The following SEPTIN9 variants were observed in gnomAD, a reference collection of about 807,000 sequenced individuals.
SEPTIN9 encodes the protein septin-9.
In SEPTIN9, 13 loss-of-function variants were observed where a neutral mutation model predicts 56.6. The ratio of observed to expected loss-of-function variants is 0.23; its 90% CI spans 0.15 to 0.37. The LOEUF is 0.37. SEPTIN9 is among the 10% of genes least tolerant of loss of function. The pLI is 1.00. For synonymous variants in SEPTIN9, 332 were observed against 334.1 expected, an observed-to-expected ratio of 0.99 and a Z score of 0.07; for missense variants, 650 against 823.1, an observed-to-expected ratio of 0.79 and a Z score of 2.57.
At chr17:77,363,379 C>CTTTTTTTTTTTT (rs34313886) in intron 2 of SEPTIN9, among the ~76,000 whole-genome samples, 3 of 66,614 alleles carry the variant, frequency 4.5e-5, no homozygotes, top group African/African-American at 1.2e-4. Context: ...TTGGGCCTGT[C>CTTTTTTTTTTTT]TTTTTTTTTT....
chr17:77,383,568 C>G (rs1355670027), intron 2 of SEPTIN9, among the ~76,000 whole-genome samples: 2 of 152,196 alleles, frequency 1.3e-5, no homozygotes, highest in African/African-American at 4.8e-5. Flanking sequence ...GGCTGAGGGT[C>G]CCGACCCTGG....
At chr17:77,378,624 G>A (rs2035020950) in intron 2 of SEPTIN9, among the ~76,000 whole-genome samples, 1 of 152,194 alleles carries the variant, frequency 6.6e-6, no homozygotes, top group South Asian at 2.1e-4. Flanking sequence ...AATGAGGCCG[G>A]ACAGCATGGT....
intron 3 of SEPTIN9, chr17:77,481,808 A>G: frequency 2.8e-6 from 1 of 356,224 alleles, no homozygotes; most frequent in East Asian, 5.6e-5. Flanking sequence ...GGGTACGGAG[A>G]CAGGAGTTCA....
intron 2 of SEPTIN9, among the ~76,000 whole-genome samples, chr17:77,343,660 G>A (rs572655614): frequency 6.6e-6 from 1 of 152,268 alleles, no homozygotes; most frequent in African/African-American, 2.4e-5. Context: ...TGAAGTTGAG[G>A]GCAGTCTTGT....
chr17:77,381,407 A>C (rs12452441), intron 2 of SEPTIN9, among the ~76,000 whole-genome samples: 7 of 127,272 alleles, frequency 5.5e-5, no homozygotes, highest in South Asian at 3.2e-4. Context: ...TTCTGTCCCC[A>C]CCCCCCACCC....
chr17:77,420,427 C>T (rs2036658194), intron 3 of SEPTIN9, among the ~76,000 whole-genome samples: 1 of 152,216 alleles, frequency 6.6e-6, no homozygotes, highest in South Asian at 2.1e-4. Flanking sequence ...GGCCTTGGTG[C>T]CTGGCCCCTG....
intron 2 of SEPTIN9, chr17:77,376,387 G>C: frequency 3.0e-6 from 3 of 985,722 alleles, no homozygotes; most frequent in Non-Finnish European, 3.6e-6. Flanking sequence ...CTGGTGTCTT[G>C]GTTCCTGCAA....
intron 3 of SEPTIN9, among the ~76,000 whole-genome samples, chr17:77,406,823 A>G (rs1015389315): frequency 6.6e-6 from 1 of 152,116 alleles, no homozygotes. Flanking sequence ...GGCGTGGGCT[A>G]CCACGCCTGG....
At chr17:77,344,015 A>G (rs2033814338) in intron 2 of SEPTIN9, among the ~76,000 whole-genome samples, 1 of 152,236 alleles carries the variant, frequency 6.6e-6, no homozygotes, top group Admixed American at 6.5e-5. Context: ...AAAAGAAATA[A>G]ATGATAAATT....
chr17:77,414,718 C>T (rs1205232164), intron 3 of SEPTIN9, among the ~76,000 whole-genome samples: 1 of 151,986 alleles, frequency 6.6e-6, no homozygotes, highest in African/African-American at 2.4e-5. Flanking sequence ...GCTGAGACTA[C>T]AGGCCTGTGC....
In SEPTIN9 at chr17:77,318,922, GTTGGGGGCC is replaced by G. The variant is rs1423135294; in HGVS notation, c.76+11732_76+11740del. 6.6e-6 allele frequency among the ~76,000 whole-genome samples: 1 copy of G among 152,180 alleles called. No individual in the cohort carries two copies. Among genetic ancestry groups the G allele is most frequent in the Non-Finnish European group, 1.5e-5 (1 of 68,034 alleles). ...AGAGGGGTGCAAATATTGTAAATTT[GTTGGGGGCC>G]TTGGGGAGCAGCACAGACTGAAAAG... On this transcript the variant is annotated intron_variant, in intron 2 of 11. Coordinates refer to ENST00000427177, the MANE Select transcript of SEPTIN9 (RefSeq NM_001113491.2). This position sits in a 1 kb window ranked among gnomAD's most constrained non-coding sequence, Gnocchi z 4.9.
intron 2 of SEPTIN9, among the ~76,000 whole-genome samples, chr17:77,362,965 G>A (rs1246722324): frequency 2.0e-5 from 3 of 152,358 alleles, no homozygotes; most frequent in East Asian, 3.9e-4. Context: ...GGCAGGCACA[G>A]AGGTCTGGCA....
At chr17:77,355,290 A>T (rs1316063661) in intron 2 of SEPTIN9, among the ~76,000 whole-genome samples, 1 of 152,088 alleles carries the variant, frequency 6.6e-6, no homozygotes. Flanking sequence ...GCAGCAGGGG[A>T]GCAGCTGGGG....
At chr17:77,334,020 C>T (rs545231796) in intron 2 of SEPTIN9, among the ~76,000 whole-genome samples, 106 of 152,290 alleles carry the variant, frequency 7.0e-4, no homozygotes, top group Middle Eastern at 3.4e-3. Context: ...TCCCCAGCTA[C>T]AGGCTTCTGC....
intron 8 of SEPTIN9, among the ~76,000 whole-genome samples, chr17:77,491,134 C>T (rs1205458602): frequency 2.0e-5 from 3 of 152,152 alleles, no homozygotes; most frequent in Non-Finnish European, 4.4e-5. Context: ...TTGGAGAAGA[C>T]CTGGACCAGG....
At chr17:77,338,299 C>T (rs1001410871) in intron 2 of SEPTIN9, among the ~76,000 whole-genome samples, 11 of 151,396 alleles carry the variant, frequency 7.3e-5, no homozygotes, top group African/African-American at 2.7e-4. Flanking sequence ...TCATCTGAGC[C>T]TTCAGCAAGC....
chr17:77,425,740 C>A lies in SEPTIN9; in HGVS notation c.721+23037C>A, dbSNP rs543048496. Among the ~76,000 whole-genome samples, 1 of 151,680 alleles carries A rather than the reference C, an allele frequency of 6.6e-6. No individual in the cohort carries two copies. The highest frequency in any genetic ancestry group is 1.5e-5 in the Non-Finnish European group (1 of 67,948). Reference sequence around the variant, plus strand: ...GGGAGGCTAAGAGGAAGCTGCCCCCCGCTCATCTACCCCCCAACCCTCCCA... The same window carrying A: ...GGGAGGCTAAGAGGAAGCTGCCCCCAGCTCATCTACCCCCCAACCCTCCCA... On this transcript the variant is annotated intron_variant, in intron 3 of 11. Transcript: ENST00000427177. This position sits in a 1 kb window ranked among gnomAD's most constrained non-coding sequence, Gnocchi z 4.2.
At chr17:77,399,056 C>A (rs2035818647) in intron 2 of SEPTIN9, among the ~76,000 whole-genome samples, 1 of 152,210 alleles carries the variant, frequency 6.6e-6, no homozygotes, top group East Asian at 1.9e-4. Flanking sequence ...GCCACGCAGA[C>A]AACTGGAGGA....
intron 2 of SEPTIN9, among the ~76,000 whole-genome samples, chr17:77,342,137 A>G (rs2033754215): frequency 6.6e-6 from 1 of 152,116 alleles, no homozygotes. Context: ...TAGCAGATAT[A>G]ATAATAATGA....
Sources: gnomAD v4.1 joint callset for allele counts (sites outside exome capture counted in the v4.1 genomes callset) on GRCh38, gnomAD v4.1.1 for gene constraint, Gnocchi (gnomAD v3.1) non-coding constraint, MANE v1.5 for transcripts, NCBI Gene and HGNC (gene_info 2026-07-23, HGNC 2026-07-21) for gene names.